The following OPCML variants were observed in gnomAD, a reference collection of about 807,000 sequenced individuals.
OPCML encodes the protein opioid binding protein/cell adhesion molecule like, also known as opioid-binding protein/cell adhesion molecule.
In OPCML, 13 loss-of-function variants were observed where a neutral mutation model predicts 37.8. The observed-to-expected ratio is 0.34, with a 90% CI of 0.22 to 0.55. OPCML has a LOEUF of 0.55. OPCML is among the 20% of genes least tolerant of loss of function. The pLI is 0.91. For synonymous variants in OPCML, 176 were observed against 168.8 expected, an observed-to-expected ratio of 1.04 and a Z score of -0.33; for missense variants, 341 against 435.6, an observed-to-expected ratio of 0.78 and a Z score of 1.93.
chr11:132,450,008 C>A (rs1158802785), intron 4 of OPCML, among the ~76,000 whole-genome samples: 2 of 152,208 alleles, frequency 1.3e-5, no homozygotes, highest in South Asian at 2.1e-4. Flanking sequence ...CCCCAGAAAC[C>A]TGCGCTGGCT....
intron 4 of OPCML, among the ~76,000 whole-genome samples, chr11:132,497,164 C>T (rs2137101188): frequency 6.6e-6 from 1 of 152,244 alleles, no homozygotes; most frequent in East Asian, 1.9e-4. Flanking sequence ...ACCACATGTT[C>T]TCACTTATAA....
At chr11:133,423,473 A>G in intron 1 of OPCML, 2 of 985,428 alleles carry the variant, frequency 2.0e-6, no homozygotes. Flanking sequence ...GCACTCTGTT[A>G]GGCTCCTGGC....
Position 133,390,406 on chromosome 11 carries a change from C to T in OPCML, c.61+141858G>A, listed in dbSNP as rs930322006. Among the ~76,000 whole-genome samples the T allele has an allele frequency of 9.9e-5, 15 of 152,112 alleles. No individual in the cohort carries two copies. In the East Asian group the frequency reaches 1.2e-3, roughly 12 times the overall value. On this transcript the variant is annotated intron_variant, in intron 1 of 7. Coordinates refer to ENST00000524381, the MANE Select transcript of OPCML (RefSeq NM_001012393.5). The stretch of plus-strand genomic sequence containing the variant: ...TGAACCCGGGAGGTGGAGCTTGCAG[C>T]GAGCCGAGATCGCGCCACTGCACTC...
chr11:133,026,549 C>T (rs147645379), intron 1 of OPCML: 1 of 985,430 alleles, frequency 1.0e-6, no homozygotes, highest in East Asian at 1.1e-4. Flanking sequence ...TCTCTCCTTT[C>T]CAAACACCTA....
chr11:132,991,364 T>C (rs571102147), intron 1 of OPCML, among the ~76,000 whole-genome samples: 2 of 152,206 alleles, frequency 1.3e-5, no homozygotes, highest in Non-Finnish European at 1.5e-5. Flanking sequence ...AAGCCCCTAA[T>C]AGAACAAAAT....
intron 1 of OPCML, among the ~76,000 whole-genome samples, chr11:133,108,393 G>A (rs1310120544): frequency 1.3e-5 from 2 of 152,068 alleles, no homozygotes; most frequent in Non-Finnish European, 2.9e-5. Context: ...CAGACTTTTG[G>A]TCTAAACATA....
At chr11:132,953,481 C>T (rs955307121) in intron 1 of OPCML, among the ~76,000 whole-genome samples, 10 of 152,162 alleles carry the variant, frequency 6.6e-5, no homozygotes, top group Non-Finnish European at 1.2e-4. Flanking sequence ...GACCGATTTC[C>T]GCAAGCCATA....
At chr11:132,801,309 G>A (rs1938635821) in intron 2 of OPCML, among the ~76,000 whole-genome samples, 1 of 152,060 alleles carries the variant, frequency 6.6e-6, no homozygotes, top group African/African-American at 2.4e-5. Flanking sequence ...TGTCAATTTT[G>A]TTGATATTTT....
intron 3 of OPCML, among the ~76,000 whole-genome samples, chr11:132,612,409 C>A (rs1000480670): frequency 2.0e-5 from 3 of 152,052 alleles, no homozygotes; most frequent in African/African-American, 7.2e-5. Flanking sequence ...GCATAATGAG[C>A]CAATTCTAGC....
chr11:132,974,701 T>G (rs1179669724), intron 1 of OPCML, among the ~76,000 whole-genome samples: 1 of 152,178 alleles, frequency 6.6e-6, no homozygotes, highest in Admixed American at 6.5e-5. Context: ...CATGCACATG[T>G]ATGTTTATTG....
chr11:133,043,471 A>G (rs1320424282), intron 1 of OPCML, among the ~76,000 whole-genome samples: 2 of 152,182 alleles, frequency 1.3e-5, no homozygotes, highest in East Asian at 1.9e-4. Context: ...TTCTTCATGA[A>G]CCACCTGCTG....
intron 1 of OPCML, among the ~76,000 whole-genome samples, chr11:133,427,655 T>G (rs1946031006): frequency 6.6e-6 from 1 of 152,012 alleles, no homozygotes; most frequent in Non-Finnish European, 1.5e-5. Flanking sequence ...CTACATACAA[T>G]TCCAGTTATA....
intron 1 of OPCML, among the ~76,000 whole-genome samples, chr11:133,215,549 T>C (rs1361712583): frequency 6.6e-6 from 1 of 152,208 alleles, no homozygotes; most frequent in Non-Finnish European, 1.5e-5. Context: ...GACATGTTTT[T>C]ATACCTTTAG....
chr11:132,853,354 C>G (rs1412856881), intron 2 of OPCML, among the ~76,000 whole-genome samples: 2 of 152,038 alleles, frequency 1.3e-5, no homozygotes, highest in Non-Finnish European at 2.9e-5. Flanking sequence ...TTTGGAGGAT[C>G]TGCATAACTC....
At chr11:133,449,053 T>C (rs913797707) in intron 1 of OPCML, among the ~76,000 whole-genome samples, 1 of 152,224 alleles carries the variant, frequency 6.6e-6, no homozygotes, top group Non-Finnish European at 1.5e-5. Context: ...TTATGCACAA[T>C]CCATGTTTAG....
chr11:133,314,670 T>G lies in OPCML; in HGVS notation c.61+217594A>C, dbSNP rs141464923. Among the ~76,000 whole-genome samples the G allele has an allele frequency of 6.6e-3, 1,004 of 152,308 alleles. 2 individuals carry two copies. Among genetic ancestry groups the G allele is most frequent in the Middle Eastern group, 0.014 (4 of 294 alleles). Reference sequence around the variant, plus strand: ...CTGCAGCCTTTCTAGGAAGAGGCCCTGATGTTGACTTTATCAGCAGCCCTC... The same window carrying G: ...CTGCAGCCTTTCTAGGAAGAGGCCCGGATGTTGACTTTATCAGCAGCCCTC... On this transcript the variant is annotated intron_variant, in intron 1 of 7. Transcript: ENST00000524381.
At chr11:132,429,684 A>G (rs2095989839) in intron 7 of OPCML, among the ~76,000 whole-genome samples, 1 of 152,214 alleles carries the variant, frequency 6.6e-6, no homozygotes, top group South Asian at 2.1e-4. Flanking sequence ...GAGGCCATCA[A>G]TCTTCAGTGT....
At chr11:132,991,979 T>C (rs1165943509) in intron 1 of OPCML, among the ~76,000 whole-genome samples, 1 of 152,032 alleles carries the variant, frequency 6.6e-6, no homozygotes, top group Non-Finnish European at 1.5e-5. Flanking sequence ...TGGTATATAT[T>C]AGTCAAGGCA....
chr11:133,054,525 G>C (rs1196769877), intron 1 of OPCML, among the ~76,000 whole-genome samples: 1 of 152,136 alleles, frequency 6.6e-6, no homozygotes, highest in Non-Finnish European at 1.5e-5. Flanking sequence ...TCCTCACAGA[G>C]GCTTCTCATT....
Sources: gnomAD v4.1 joint callset for allele counts (sites outside exome capture counted in the v4.1 genomes callset) on GRCh38, gnomAD v4.1.1 for gene constraint, MANE v1.5 for transcripts, NCBI Gene and HGNC (gene_info 2026-07-23, HGNC 2026-07-21) for gene names.